Variants in CNTN4 observed in about 807,000 individuals in gnomAD.
CNTN4 encodes contactin 4.
In CNTN4, 77 loss-of-function variants were observed where a neutral mutation model predicts 122.5. The ratio of observed to expected loss-of-function variants is 0.63; its 90% CI spans 0.52 to 0.76. The LOEUF is 0.76. Ranked by LOEUF, CNTN4 falls within the 30% of genes least tolerant of loss-of-function variation. The probability of loss-of-function intolerance (pLI) is 0.00; values close to 1 mark genes in which losing one functional copy is unlikely to be tolerated. For synonymous variants in CNTN4, 512 were observed against 447.0 expected, an observed-to-expected ratio of 1.15 and a Z score of -1.83; for missense variants, 1,256 against 1,259.1, an observed-to-expected ratio of 1.00 and a Z score of 0.04.
intron 4 of CNTN4, among the ~76,000 whole-genome samples, chr3:2,733,786 G>A (rs573918045): frequency 3.3e-5 from 5 of 151,900 alleles, no homozygotes; most frequent in African/African-American, 9.7e-5. Context: ...CACCCACCTC[G>A]GCCTCCCAAA....
intron 3 of CNTN4, among the ~76,000 whole-genome samples, chr3:2,425,023 C>T (rs2047767110): frequency 6.6e-6 from 1 of 152,104 alleles, no homozygotes. Context: ...TGTAGGTTGC[C>T]TGTTCACTCT....
chr3:2,701,350 G>A (rs2086346988), intron 4 of CNTN4, among the ~76,000 whole-genome samples: 1 of 152,268 alleles, frequency 6.6e-6, no homozygotes, highest in Middle Eastern at 3.4e-3. Context: ...TACCTCTGTG[G>A]AACTTTAGAG....
intron 6 of CNTN4, among the ~76,000 whole-genome samples, chr3:2,781,968 C>T (rs965376490): frequency 1.3e-5 from 2 of 150,760 alleles, no homozygotes; most frequent in Admixed American, 1.3e-4. Context: ...CGTGATCCCC[C>T]CGCCTCGGCC....
intron 6 of CNTN4, among the ~76,000 whole-genome samples, chr3:2,789,315 A>T (rs548322024): frequency 6.6e-6 from 1 of 152,240 alleles, no homozygotes; most frequent in Non-Finnish European, 1.5e-5. Context: ...AATTGAAGAT[A>T]TGACACATGT....
chr3:3,032,181 C>A lies in CNTN4; in HGVS notation c.1783+1206C>A, dbSNP rs374582634. 7.9e-4 allele frequency among the ~76,000 whole-genome samples: 120 copies of A among 152,218 alleles called. 1 individual carries two copies. The highest frequency in any genetic ancestry group is 2.7e-3 in the African/African-American group (112 of 41,540). On this transcript the variant is annotated intron_variant, in intron 16 of 24. Coordinates refer to ENST00000418658, the MANE Select transcript of CNTN4 (RefSeq NM_175607.3). ...AACTTTCAACCGAGGTAGATCTGCC[C>A]ACAGAATAACTTATAGAAATGTGTT...
chr3:2,516,969 G>C (rs2077057649), intron 3 of CNTN4, among the ~76,000 whole-genome samples: 1 of 152,112 alleles, frequency 6.6e-6, no homozygotes, highest in African/African-American at 2.4e-5. Flanking sequence ...TAAGGAAGTA[G>C]AGGAATGACT....
At chr3:2,630,430 C>A (rs1332098051) in intron 4 of CNTN4, among the ~76,000 whole-genome samples, 1 of 152,138 alleles carries the variant, frequency 6.6e-6, no homozygotes, top group Non-Finnish European at 1.5e-5. Context: ...CAGATTGAGA[C>A]CCTGTCTCAA....
intron 3 of CNTN4, among the ~76,000 whole-genome samples, chr3:2,483,099 T>C (rs909644744): frequency 6.6e-6 from 1 of 152,146 alleles, no homozygotes; most frequent in Non-Finnish European, 1.5e-5. Context: ...GGAGGGGTGC[T>C]ATACCCTGCA....
At chr3:2,595,060 G>A (rs185485730) in intron 4 of CNTN4, among the ~76,000 whole-genome samples, 514 of 152,270 alleles carry the variant, frequency 3.4e-3, no homozygotes, top group Non-Finnish European at 4.9e-3. Context: ...CAGAACTTCA[G>A]ATATGATCCA....
intron 3 of CNTN4, among the ~76,000 whole-genome samples, chr3:2,371,693 T>G (rs2045638858): frequency 6.6e-6 from 1 of 152,232 alleles, no homozygotes; most frequent in Admixed American, 6.5e-5. Flanking sequence ...TTCACTTATT[T>G]TTCATGTAAC....
At chr3:2,759,715 A>AT (rs1320591615) in intron 6 of CNTN4, among the ~76,000 whole-genome samples, 1 of 143,640 alleles carries the variant, frequency 7.0e-6, no homozygotes, top group Admixed American at 6.9e-5. Flanking sequence ...CTCTGTCTCA[A>AT]AAAAAAAAAA....
intron 3 of CNTN4, among the ~76,000 whole-genome samples, chr3:2,558,967 C>G (rs2078834824): frequency 6.6e-6 from 1 of 152,192 alleles, no homozygotes; most frequent in Non-Finnish European, 1.5e-5. Context: ...ATATATGTGA[C>G]AGGCCAGGCC....
chr3:2,845,025 C>A (rs1239254579), intron 7 of CNTN4, among the ~76,000 whole-genome samples: 1 of 151,972 alleles, frequency 6.6e-6, no homozygotes, highest in South Asian at 2.1e-4. Context: ...GTTTCACTTA[C>A]AATTATAAAC....
At position 2,340,710 on chromosome 3, in the gene CNTN4, T is replaced by TATATATATATATATATATAGAG; in HGVS notation, c.-89+1478_-89+1479insTATATATATATATATATAGAGA. 3.8e-4 allele frequency among the ~76,000 whole-genome samples: 7 copies of TATATATATATATATATATAGAG among 18,306 alleles called. 1 individual carries two copies. Among genetic ancestry groups the TATATATATATATATATATAGAG allele is most frequent in the South Asian group, 4.8e-3 (1 of 210 alleles). 12.0% of individuals were successfully genotyped at this position (18,306 alleles called of 152,430 possible). On this transcript the variant is annotated intron_variant, in intron 3 of 24. Transcript: ENST00000418658. ...TTATATATATATATATATATATATA[T>TATATATATATATATATATAGAG]AGAGAGAGAGAGAGAGAGAGAGAGA...
At chr3:2,379,044 G>A (rs1040769301) in intron 3 of CNTN4, among the ~76,000 whole-genome samples, 50 of 152,042 alleles carry the variant, frequency 3.3e-4, no homozygotes, top group African/African-American at 9.4e-4. Context: ...TACAATGCTC[G>A]TGTCTCTTGT....
intron 4 of CNTN4, among the ~76,000 whole-genome samples, chr3:2,626,991 G>T (rs963323965): frequency 2.6e-5 from 4 of 152,182 alleles, no homozygotes; most frequent in Admixed American, 2.6e-4. Context: ...TCTGCCCTTG[G>T]TTCCCACTCC....
intron 3 of CNTN4, among the ~76,000 whole-genome samples, chr3:2,439,684 G>A (rs2048367006): frequency 6.6e-6 from 1 of 152,010 alleles, no homozygotes; most frequent in African/African-American, 2.4e-5. Flanking sequence ...AATGGAGGAA[G>A]AAGACAAGTC....
At chr3:2,782,709 C>G (rs1424501682) in intron 6 of CNTN4, among the ~76,000 whole-genome samples, 2 of 152,148 alleles carry the variant, frequency 1.3e-5, no homozygotes, top group Non-Finnish European at 2.9e-5. Context: ...AAAATCTTTT[C>G]AGTGCCCATT....
chr3:2,256,526 G>A (rs7635007), intron 2 of CNTN4, among the ~76,000 whole-genome samples: 134,745 of 152,168 alleles, frequency 0.89, 60,127 homozygotes, highest in East Asian at 1. Flanking sequence ...GATGAGCATC[G>A]TTGCAAAAAT....
Sources: gnomAD v4.1 joint callset for allele counts (sites outside exome capture counted in the v4.1 genomes callset) on GRCh38, gnomAD v4.1.1 for gene constraint, MANE v1.5 for transcripts, NCBI Gene and HGNC (gene_info 2026-07-23, HGNC 2026-07-21) for gene names.